ATP13A5: variants seen among roughly 807,000 people sequenced by gnomAD.
The protein encoded by ATP13A5 is ATPase 13A5.
In ATP13A5, 149 loss-of-function variants were observed where a neutral mutation model predicts 150.2. That is an observed-to-expected ratio of 0.99 (90% CI 0.87 to 1.14). ATP13A5 has a LOEUF of 1.14. Ranked by LOEUF, ATP13A5 falls within the 50% of genes most tolerant of loss-of-function variation. The pLI is 0.00. For missense variants in ATP13A5, 1,383 were observed against 1,449.3 expected, an observed-to-expected ratio of 0.95 and a Z score of 0.74; for synonymous variants, 497 against 522.2, an observed-to-expected ratio of 0.95 and a Z score of 0.66.
chr3:193,322,374 C>A (rs1719312834), intron 15 of ATP13A5, 117 bp downstream of exon 15: 2 of 788,386 alleles, frequency 2.5e-6, no homozygotes, highest in African/African-American at 3.5e-5. Flanking sequence ...AGCAAACCAA[C>A]CGTGGAAACT....
rs549135527 is a variant in ATP13A5, at chr3:193,352,955, G to A, written c.606+1172C>T. ...AGCAAAATCTAGGAGCCCCTTTCTCGGAGGAATAGAGACAGAACGTGTCCC... is the reference window on the plus strand; with the variant it reads ...AGCAAAATCTAGGAGCCCCTTTCTCAGAGGAATAGAGACAGAACGTGTCCC... On this transcript the variant is annotated intron_variant, in intron 6 of 29. Transcript: ENST00000342358. 1.6e-4 allele frequency among the ~76,000 whole-genome samples: 25 copies of A among 152,090 alleles called. 2 individuals carry two copies. Among genetic ancestry groups the A allele is most frequent in the Admixed American group, 6.5e-4 (10 of 15,274 alleles).
intron 21 of ATP13A5, among the ~76,000 whole-genome samples, chr3:193,310,147 GC>G (rs1391290374): frequency 2.0e-5 from 3 of 152,142 alleles, no homozygotes; most frequent in African/African-American, 7.2e-5. Flanking sequence ...GCATTAGTTT[GC>G]TAAGGATAAT....
chr3:193,372,609 A>C (rs1565354), intron 1 of ATP13A5, among the ~76,000 whole-genome samples: 143,107 of 152,206 alleles, frequency 0.94, 67,336 homozygotes, highest in East Asian at 0.97. Flanking sequence ...TTCTATTCTG[A>C]AGAACAGGCT....
intron 1 of ATP13A5, among the ~76,000 whole-genome samples, chr3:193,364,944 T>A (rs1577374071): frequency 6.6e-6 from 1 of 152,196 alleles, no homozygotes; most frequent in East Asian, 1.9e-4. Context: ...ATATTTGTCA[T>A]AAACTGAATA....
chr3:193,317,668 C>T (rs1014732149), intron 17 of ATP13A5, among the ~76,000 whole-genome samples: 2 of 152,032 alleles, frequency 1.3e-5, no homozygotes, highest in Non-Finnish European at 2.9e-5. Flanking sequence ...AAACCAAAAC[C>T]CTATCCTTTT....
At chr3:193,365,193 A>T (rs1018673069) in intron 1 of ATP13A5, among the ~76,000 whole-genome samples, 1 of 152,106 alleles carries the variant, frequency 6.6e-6, no homozygotes, top group Non-Finnish European at 1.5e-5. Flanking sequence ...TAAAAATATG[A>T]CTGAACTCTG....
At chr3:193,353,860 C>G (rs2108892940) in intron 6 of ATP13A5, among the ~76,000 whole-genome samples, 1 of 151,730 alleles carries the variant, frequency 6.6e-6, no homozygotes, top group South Asian at 2.1e-4. Flanking sequence ...AGTGGACTAA[C>G]CACCCCACCA....
At chr3:193,352,926 A>G (rs1367374284) in intron 6 of ATP13A5, among the ~76,000 whole-genome samples, 1 of 152,258 alleles carries the variant, frequency 6.6e-6, no homozygotes, top group Middle Eastern at 3.4e-3. Context: ...GACAAGGACT[A>G]GACAGCAAAA....
At chr3:193,305,769 G>A (rs1718589344) in intron 22 of ATP13A5, 101 bp from the exon 23 acceptor site, 9 of 977,004 alleles carry the variant, frequency 9.2e-6, no homozygotes, top group Non-Finnish European at 1.3e-5. Flanking sequence ...GTATAACACT[G>A]TACTGTTTCA....
chr3:193,277,801 C>T (rs1717292753), intron 28 of ATP13A5: 1 of 152,128 alleles, frequency 6.6e-6, no homozygotes, highest in East Asian at 1.9e-4. Flanking sequence ...CATCCCTTGA[C>T]CTGGAAGTCA....
At chr3:193,322,780 A>G (rs1719331570) in intron 14 of ATP13A5, among the ~76,000 whole-genome samples, 1 of 152,210 alleles carries the variant, frequency 6.6e-6, no homozygotes, top group African/African-American at 2.4e-5. Context: ...AAAAGCCAAA[A>G]ATATTGTGAA....
In ATP13A5 at chr3:193,335,060, A is replaced by C. The variant is rs771680515; in HGVS notation, c.983T>G (p.Met328Arg). ...ACATTTCCAAGGCATAGTGTTCTCC[A>C]TCTGGGGCAATGGTGTCTTTGTAAC... is the stretch of plus-strand genomic sequence containing the variant. ...IPVTKTPLPQ[M>R]ENTMPWKCHS... is the part of the protein sequence containing the mutation. Residue 328 changes from methionine to arginine, a missense_variant, in exon 10 of 30, where the codon ATG becomes AGG. Coordinates refer to ENST00000342358, the MANE Select transcript of ATP13A5 (RefSeq NM_198505.4). 6.2e-7 allele frequency: 1 copy of C among 1,613,772 alleles called. No homozygotes were observed. Among genetic ancestry groups the C allele is most frequent in the African/African-American group, 1.3e-5 (1 of 74,910 alleles).
chr3:193,354,970 T>C (rs1379569478), intron 5 of ATP13A5, among the ~76,000 whole-genome samples: 2 of 120,080 alleles, frequency 1.7e-5, no homozygotes, highest in Admixed American at 9.0e-5. Context: ...TTCACTCTTG[T>C]TGCCCAGGCT....
intron 27 of ATP13A5, among the ~76,000 whole-genome samples, chr3:193,280,474 A>G (rs368280625): frequency 1.3e-5 from 2 of 152,210 alleles, no homozygotes; most frequent in Admixed American, 6.5e-5. Flanking sequence ...TCATGTATCA[A>G]CTGGACTGTG....
rs1323526381 is a variant in ATP13A5, at chr3:193,373,808, C to T, written c.63+4855G>A. 3.9e-5 allele frequency among the ~76,000 whole-genome samples: 6 copies of T among 152,202 alleles called. No homozygotes were observed. In the South Asian group the frequency reaches 1.2e-3, roughly 32 times the overall value. ...CTAGACTAAAGCCCAGGTTTGCTCT[C>T]TCAGAGTCCAGGGCTCTGCCACTGT... On this transcript the variant is annotated intron_variant, in intron 1 of 29. Coordinates refer to ENST00000342358, the MANE Select transcript of ATP13A5 (RefSeq NM_198505.4).
chr3:193,331,421 C>T (rs2108872498), intron 11 of ATP13A5, 110 bp from the exon 12 acceptor site: 1 of 967,952 alleles, frequency 1.0e-6, no homozygotes, highest in African/African-American at 1.6e-5. Flanking sequence ...GCAAAGGAGA[C>T]CTTTGATCCC....
chr3:193,321,820 G>A lies in ATP13A5; in HGVS notation c.1776C>T (p.Ile592=), dbSNP rs1184928181. ...AAAATGGAAACTGGCACAAGGTGAT[G>A]ATGGCTTCCACTGGACTCTGCAAGC... The part of the protein sequence containing the change: ...PKASKSPVEA[I]ITLCQFPFSS... Residue 592 remains isoleucine, a synonymous_variant, in exon 16 of 30, where the codon ATC becomes ATT. Transcript: ENST00000342358. 6.2e-7 allele frequency: 1 copy of A among 1,614,114 alleles called. No homozygotes were observed. Among genetic ancestry groups the A allele is most frequent in the Non-Finnish European group, 8.5e-7 (1 of 1,179,998 alleles).
chr3:193,339,244 C>T (rs961852671), intron 9 of ATP13A5, among the ~76,000 whole-genome samples: 5 of 151,926 alleles, frequency 3.3e-5, no homozygotes, highest in African/African-American at 1.2e-4. Flanking sequence ...TTCAGTTCTG[C>T]TCTGATCTTA....
chr3:193,356,072 G>A (rs9859777), intron 5 of ATP13A5, among the ~76,000 whole-genome samples: 209 of 152,228 alleles, frequency 1.4e-3, no homozygotes, highest in African/African-American at 4.8e-3. Context: ...AATGAAACAA[G>A]GGCGTTCCCT....
Sources: gnomAD v4.1 joint callset for allele counts (sites outside exome capture counted in the v4.1 genomes callset) on GRCh38, gnomAD v4.1.1 for gene constraint, MANE v1.5 for transcripts, NCBI Gene and HGNC (gene_info 2026-07-23, HGNC 2026-07-21) for gene names.